RYR2: variants seen among roughly 807,000 people sequenced by gnomAD.
RYR2 encodes the protein ryanodine receptor 2, also known as cardiac muscle ryanodine receptor-calcium release channel.
A neutral mutation model predicts 601.1 loss-of-function variants in RYR2; 227 were observed. The observed-to-expected ratio is 0.38, with a 90% CI of 0.34 to 0.42. The LOEUF (loss-of-function observed/expected upper bound fraction) is 0.42. Ranked by LOEUF, RYR2 falls within the 10% of genes least tolerant of loss-of-function variation. The pLI is 1.00. For synonymous variants in RYR2, 2,223 were observed against 2,175.1 expected (o/e 1.02, Z -0.61); for missense variants, 4,646 against 6,156.5 (o/e 0.75, Z 8.21).
intron 1 of RYR2, among the ~76,000 whole-genome samples, chr1:237,133,494 T>C (rs1672382820): frequency 6.6e-6 from 1 of 152,194 alleles, no homozygotes; most frequent in South Asian, 2.1e-4. Flanking sequence ...TTGTTGGAAG[T>C]TGAGAGGTCT....
At chr1:237,428,265 G>T (rs1456477427) in intron 12 of RYR2, among the ~76,000 whole-genome samples, 1 of 152,112 alleles carries the variant, frequency 6.6e-6, no homozygotes, top group Non-Finnish European at 1.5e-5. Context: ...ATACCCAAAG[G>T]AATATAAATC....
intron 2 of RYR2, among the ~76,000 whole-genome samples, chr1:237,308,766 C>T (rs1307755338): frequency 2.0e-5 from 3 of 152,222 alleles, no homozygotes; most frequent in Admixed American, 6.5e-5. Context: ...AACAAAGCTT[C>T]TACACCGTGG....
intron 25 of RYR2, among the ~76,000 whole-genome samples, chr1:237,541,007 A>G (rs1268799883): frequency 6.6e-6 from 1 of 152,178 alleles, no homozygotes; most frequent in Admixed American, 6.5e-5. Flanking sequence ...ACCCGTATGT[A>G]TACTGTTTAC....
At chr1:237,307,089 TG>T (rs1201787287) in intron 2 of RYR2, among the ~76,000 whole-genome samples, 1 of 152,242 alleles carries the variant, frequency 6.6e-6, no homozygotes, top group African/African-American at 2.4e-5. Context: ...TCCCATTTCG[TG>T]GGCTGTATTT....
At chr1:237,582,020 C>A (rs933282310) in intron 29 of RYR2, among the ~76,000 whole-genome samples, 1 of 152,126 alleles carries the variant, frequency 6.6e-6, no homozygotes, top group African/African-American at 2.4e-5. Flanking sequence ...TTCTAAGATT[C>A]CAGAAATCAA....
intron 1 of RYR2, among the ~76,000 whole-genome samples, chr1:237,150,665 A>G (rs556654770): frequency 6.6e-6 from 1 of 152,310 alleles, no homozygotes; most frequent in East Asian, 1.9e-4. Flanking sequence ...GCTAATGGGA[A>G]TATTGAAACT....
intron 17 of RYR2, among the ~76,000 whole-genome samples, chr1:237,479,805 A>G (rs2150357326): frequency 6.6e-6 from 1 of 152,330 alleles, no homozygotes; most frequent in South Asian, 2.1e-4. Context: ...ACAGTGTCAT[A>G]TGCATTACTC....
At chr1:237,831,410 T>C in intron 103 of RYR2, 104 bp from the exon 104 acceptor site, 1 of 666,610 alleles carries the variant, frequency 1.5e-6, no homozygotes, top group Non-Finnish European at 2.6e-6. Flanking sequence ...GTTTTCTCTG[T>C]GCTGGCCATA....
intron 80 of RYR2, among the ~76,000 whole-genome samples, chr1:237,750,218 T>C (rs1184084154): frequency 2.6e-5 from 4 of 152,094 alleles, no homozygotes; most frequent in African/African-American, 9.7e-5. Context: ...TTTCCTAGTT[T>C]AGTATTTAAA....
At position 237,628,073 on chromosome 1, in the gene RYR2, G is replaced by C. The variant is rs587782974; in HGVS notation, c.6433G>C (p.Gly2145Arg). The C allele has an allele frequency of 2.6e-5, 42 of 1,613,196 alleles. No individual in the cohort carries two copies. The highest frequency in any genetic ancestry group is 2.1e-5 in the Non-Finnish European group (25 of 1,179,568). ...GKEEEKLMIR[G>R]LGDIMNNKVF... ...AGAAGAAGAGAAGCTCATGATTCGTGGATTAGGGTAAATTATTTAACTACT... is the reference window on the plus strand; with the variant it reads ...AGAAGAAGAGAAGCTCATGATTCGTCGATTAGGGTAAATTATTTAACTACT... Residue 2145 changes from glycine (G) to arginine (R), a missense_variant, in exon 41 of 105, where the codon GGA becomes CGA. This residue lies in a region of RYR2 where 137 missense variants were observed against 273.6 expected (regional missense o/e 0.50). Coordinates refer to ENST00000366574, the MANE Select transcript of RYR2 (RefSeq NM_001035.3).
At chr1:237,632,606 C>T (rs1680467584) in intron 42 of RYR2, among the ~76,000 whole-genome samples, 1 of 151,908 alleles carries the variant, frequency 6.6e-6, no homozygotes, top group Admixed American at 6.6e-5. Context: ...CCATGTTAGC[C>T]AGGATGGTCT....
intron 1 of RYR2, among the ~76,000 whole-genome samples, chr1:237,265,668 T>C (rs907751589): frequency 2.0e-5 from 3 of 152,156 alleles, no homozygotes; most frequent in Non-Finnish European, 2.9e-5. Context: ...TTGGAAACCA[T>C]TGAAGGGTTT....
intron 17 of RYR2, among the ~76,000 whole-genome samples, chr1:237,488,885 C>T (rs993313626): frequency 1.3e-5 from 2 of 152,152 alleles, no homozygotes; most frequent in African/African-American, 2.4e-5. Context: ...GGACTCTTCT[C>T]ACGGACGCGC....
At chr1:237,346,298 G>A (rs1479198981) in intron 3 of RYR2, among the ~76,000 whole-genome samples, 1 of 149,258 alleles carries the variant, frequency 6.7e-6, no homozygotes, top group Non-Finnish European at 1.5e-5. Context: ...GAGCCCGGGA[G>A]GTCAAAGCTA....
At chr1:237,407,024 A>G (rs1020754696) in intron 10 of RYR2, among the ~76,000 whole-genome samples, 1 of 152,134 alleles carries the variant, frequency 6.6e-6, no homozygotes, top group African/African-American at 2.4e-5. Context: ...TCCTGAAAAA[A>G]TATTTATTTT....
At position 237,426,416 on chromosome 1, in the gene RYR2, A is replaced by G. The variant is rs79171542; in HGVS notation, c.1005+3168A>G. Reference sequence around the variant, plus strand: ...CTTGTCTCTGTAACTGGAAAGCACAATTAATCCCATTATGGGGACATGGGC... The same window carrying G: ...CTTGTCTCTGTAACTGGAAAGCACAGTTAATCCCATTATGGGGACATGGGC... On this transcript the variant is annotated intron_variant, in intron 12 of 104. Transcript: ENST00000366574. Among the ~76,000 whole-genome samples, 1,010 of 152,276 alleles carry G rather than the reference A, an allele frequency of 6.6e-3. 3 individuals are homozygous for G. Among genetic ancestry groups the G allele is most frequent in the Non-Finnish European group, 0.011 (764 of 68,018 alleles).
At chr1:237,288,770 T>TC (rs1691861379) in intron 2 of RYR2, among the ~76,000 whole-genome samples, 1 of 152,054 alleles carries the variant, frequency 6.6e-6, no homozygotes, top group Non-Finnish European at 1.5e-5. Flanking sequence ...GCTTGGTTCC[T>TC]CCCCTGCCTA....
chr1:237,251,028 A>ATGTGTGTGTGTGTGTGTGTG (rs3056167), intron 1 of RYR2, among the ~76,000 whole-genome samples: 2 of 139,224 alleles, frequency 1.4e-5, no homozygotes, highest in Non-Finnish European at 3.2e-5. Flanking sequence ...TCCCCAACAG[A>ATGTGTGTGTGTGTGTGTGTG]TGTGTGTGTG....
rs1657840811 is a variant in RYR2 at position 237,787,851 on chromosome 1, C to CA, written c.13329-136dup. On this transcript the variant is annotated intron_variant, in intron 91 of 104. Transcript: ENST00000366574. Reference sequence around the variant, plus strand: ...CTGATTCTAAAATTCAGAATATTATCATTCACCGGAAAAGAAATTAGTTTT... The same window carrying CA: ...CTGATTCTAAAATTCAGAATATTATCAATTCACCGGAAAAGAAATTAGTTTT... 4 of 784,972 alleles carry CA rather than the reference C, an allele frequency of 5.1e-6. No homozygotes were observed. In the Admixed American group the frequency reaches 1.1e-4, roughly 22 times the overall value. The allele number at this position is 784,972 out of a possible 1,614,324, so 48.6% of individuals were successfully genotyped here.
Sources: gnomAD v4.1 joint callset for allele counts (sites outside exome capture counted in the v4.1 genomes callset) on GRCh38, gnomAD v4.1.1 for gene constraint, gnomAD v4.1.1 regional missense constraint, MANE v1.5 for transcripts, NCBI Gene and HGNC (gene_info 2026-07-23, HGNC 2026-07-21) for gene names.